DPYD: variants seen among roughly 807,000 people sequenced by gnomAD.
The protein encoded by DPYD is dihydropyrimidine dehydrogenase, also known as dihydropyrimidine dehydrogenase [NADP(+)].
Under a neutral mutation model 116.2 loss-of-function variants are expected in DPYD, and 109 were observed. The ratio of observed to expected loss-of-function variants is 0.94; its 90% CI spans 0.80 to 1.10. The LOEUF is 1.10. Ranked by LOEUF, DPYD falls within the 50% of genes least tolerant of loss-of-function variation. DPYD has a pLI of 0.00. For synonymous variants in DPYD, 440 were observed against 432.0 expected (o/e 1.02, Z -0.23); for missense variants, 1,302 against 1,254.5 (o/e 1.04, Z -0.57).
chr1:97,749,220 C>T (rs529228474), intron 3 of DPYD, among the ~76,000 whole-genome samples: 11 of 152,274 alleles, frequency 7.2e-5, no homozygotes, highest in Non-Finnish European at 1.3e-4. Context: ...TATGGTCTAT[C>T]TTTCTGTAAG....
intron 5 of DPYD, among the ~76,000 whole-genome samples, chr1:97,702,989 T>G (rs1258546291): frequency 1.3e-5 from 2 of 152,024 alleles, no homozygotes; most frequent in Non-Finnish European, 2.9e-5. Flanking sequence ...ATAGCATATG[T>G]GCACATACTA....
intron 3 of DPYD, among the ~76,000 whole-genome samples, chr1:97,774,113 G>T (rs1351795506): frequency 2.0e-5 from 3 of 152,156 alleles, no homozygotes; most frequent in African/African-American, 7.2e-5. Context: ...TCCCCCTAGG[G>T]GTTTGAGCTT....
intron 13 of DPYD, among the ~76,000 whole-genome samples, chr1:97,478,721 C>G (rs777301515): frequency 6.6e-6 from 1 of 152,198 alleles, no homozygotes; most frequent in Non-Finnish European, 1.5e-5. Flanking sequence ...ATTCACTCCT[C>G]TTGTTTAGCT....
chr1:97,394,495 T>G (rs907748973), intron 14 of DPYD: 10 of 152,074 alleles, frequency 6.6e-5, no homozygotes, highest in South Asian at 4.1e-4. Flanking sequence ...GTTTTCCATA[T>G]TCAACGGGTG....
chr1:97,155,745 GAATTGAAAGTAGTTCCCAAATTAT>G (rs1655401153), intron 20 of DPYD, among the ~76,000 whole-genome samples: 5 of 151,782 alleles, frequency 3.3e-5, no homozygotes, highest in Admixed American at 3.3e-4. Flanking sequence ...TTTTTTCTGA[GAATTGAAAGTAGTTCCCAAATTAT>G]AGCCAACTAC....
rs1553233568 is a variant in DPYD, at chr1:97,206,642, A to ATATATGTG, written c.2443-13395_2443-13394insCACATATA. ...TCATGTGAAAACAGGGAGATTTTAT[A>ATATATGTG]TATATATATATATATATATATATAT... On this transcript the variant is annotated intron_variant, in intron 19 of 22. Transcript: ENST00000370192. 8.0e-3 allele frequency among the ~76,000 whole-genome samples: 183 copies of ATATATGTG among 22,828 alleles called. 5 individuals are homozygous for ATATATGTG. In the African/African-American group the frequency reaches 0.082, roughly 10 times the overall value. 15.0% of individuals were successfully genotyped at this position (22,828 alleles called of 152,430 possible).
intron 2 of DPYD, among the ~76,000 whole-genome samples, chr1:97,840,829 G>A (rs1157484602): frequency 1.3e-5 from 2 of 152,024 alleles, no homozygotes; most frequent in Non-Finnish European, 2.9e-5. Flanking sequence ...GTTTATTTCA[G>A]TGATAAAACA....
At chr1:97,350,858 T>C (rs1167117357) in intron 16 of DPYD, among the ~76,000 whole-genome samples, 1 of 152,192 alleles carries the variant, frequency 6.6e-6, no homozygotes, top group Non-Finnish European at 1.5e-5. Context: ...GAGTGTGTCA[T>C]GTCAAAGACT....
intron 3 of DPYD, among the ~76,000 whole-genome samples, chr1:97,801,990 TAAG>T (rs1396694429): frequency 2.0e-5 from 3 of 151,868 alleles, no homozygotes; most frequent in African/African-American, 7.2e-5. Flanking sequence ...AAAATATAAA[TAAG>T]AAATTAAAAT....
chr1:97,113,518 G>C (rs1227268263), intron 20 of DPYD, among the ~76,000 whole-genome samples: 2 of 152,084 alleles, frequency 1.3e-5, no homozygotes, highest in Non-Finnish European at 1.5e-5. Flanking sequence ...CCATTAGTTA[G>C]ATTTGAGAAA....
intron 16 of DPYD, among the ~76,000 whole-genome samples, chr1:97,364,261 G>C (rs1670909719): frequency 6.6e-6 from 1 of 152,150 alleles, no homozygotes; most frequent in Non-Finnish European, 1.5e-5. Flanking sequence ...TAGAAGGTTA[G>C]ACATTTTACA....
intron 20 of DPYD, among the ~76,000 whole-genome samples, chr1:97,184,286 A>G (rs1440273309): frequency 6.6e-6 from 1 of 152,100 alleles, no homozygotes; most frequent in African/African-American, 2.4e-5. Context: ...ATATTTGGCA[A>G]TGGGATTGCT....
At chr1:97,664,259 T>C (rs982930828) in intron 8 of DPYD, among the ~76,000 whole-genome samples, 1 of 152,046 alleles carries the variant, frequency 6.6e-6, no homozygotes, top group East Asian at 1.9e-4. Flanking sequence ...CTTATAAATA[T>C]TAGATTTTTC....
chr1:97,545,674 A>C lies in DPYD; in HGVS notation c.1524+3886T>G, dbSNP rs1040366324. On this transcript the variant is annotated intron_variant, in intron 12 of 22. Coordinates refer to ENST00000370192, the MANE Select transcript of DPYD (RefSeq NM_000110.4). ...ATTAGAGAGTTACACAGCAGGAGGT[A>C]AGATTAAAAACTGTGAAACTAAAAA... The C allele has an allele frequency of 5.7e-6, 4 of 702,196 alleles. No individual in the cohort carries two copies. In the African/African-American group the frequency reaches 7.1e-5, roughly 12 times the overall value. The allele number at this position is 702,196 out of a possible 1,614,324, so 43.5% of individuals were successfully genotyped here. A position where few individuals can be genotyped will look rare whatever the true frequency, so the allele number is the denominator to read the frequency against.
chr1:97,121,723 C>G (rs968496523), intron 20 of DPYD, among the ~76,000 whole-genome samples: 1 of 152,086 alleles, frequency 6.6e-6, no homozygotes, highest in African/African-American at 2.4e-5. Flanking sequence ...AAGGAATTAG[C>G]CCAAAGGTGG....
At chr1:97,080,644 T>C (rs1023244) in intron 22 of DPYD, among the ~76,000 whole-genome samples, 7,765 of 152,190 alleles carry the variant, frequency 0.051, 272 homozygotes, top group Admixed American at 0.093. Flanking sequence ...GTAAAAACGA[T>C]TTATCTTCCT....
At chr1:97,261,451 T>C (rs1663868113) in intron 18 of DPYD, among the ~76,000 whole-genome samples, 1 of 151,214 alleles carries the variant, frequency 6.6e-6, no homozygotes, top group South Asian at 2.1e-4. Context: ...GTGGATGAAG[T>C]TATGATGACT....
intron 3 of DPYD, among the ~76,000 whole-genome samples, chr1:97,758,504 C>A (rs960432485): frequency 4.6e-5 from 7 of 152,068 alleles, no homozygotes; most frequent in South Asian, 2.1e-4. Context: ...AGCAGTGAAA[C>A]CCTTATTTTA....
intron 8 of DPYD, among the ~76,000 whole-genome samples, chr1:97,628,550 A>G (rs1657070574): frequency 1.3e-5 from 2 of 152,100 alleles, no homozygotes; most frequent in South Asian, 4.1e-4. Flanking sequence ...ATTCTATCAA[A>G]TAACAGTTGA....
Sources: allele counts gnomAD v4.1 joint callset (sites outside exome capture counted in the v4.1 genomes callset), GRCh38; gene constraint gnomAD v4.1.1; transcripts MANE v1.5; gene names NCBI Gene and HGNC (gene_info 2026-07-23, HGNC 2026-07-21).